The following SMARCA4 variants were observed in gnomAD, a reference collection of about 807,000 sequenced individuals.
SMARCA4 encodes SWI/SNF related BAF chromatin remodeling complex subunit ATPase 4.
Under a neutral mutation model 193.9 loss-of-function variants are expected in SMARCA4, and 31 were observed. The observed-to-expected ratio is 0.16, with a 90% CI of 0.12 to 0.22. SMARCA4 has a LOEUF of 0.22. Among genes scored for constraint, SMARCA4 ranks in the 10% least tolerant of loss-of-function variants. The pLI is 1.00. For missense variants in SMARCA4, 1,148 were observed against 2,296.0 expected (o/e 0.50, Z 10.22); for synonymous variants, 942 against 933.1 (o/e 1.01, Z -0.17).
At chr19:11,054,583 A>G (rs1381275492) in intron 30 of SMARCA4, among the ~76,000 whole-genome samples, 4 of 152,200 alleles carry the variant, frequency 2.6e-5, no homozygotes, top group Non-Finnish European at 5.9e-5. Flanking sequence ...TCAGGAGGTC[A>G]GGAGTTCGAG....
chr19:11,028,082 C>G, intron 24 of SMARCA4, 132 bp downstream of exon 24: 1 of 967,626 alleles, frequency 1.0e-6, no homozygotes, highest in Non-Finnish European at 1.7e-6. Flanking sequence ...CCAGAGTGGG[C>G]CTAGCCACAG....
Position 11,058,968 on chromosome 19 carries a change from GA to G in SMARCA4, c.4635+81del. ...CCCAACCCGCCCCTCCTTCCCTTCTGAATTGATGGGTTAAAAACAAGTCCCG... is the reference window on the plus strand; with the variant it reads ...CCCAACCCGCCCCTCCTTCCCTTCTGATTGATGGGTTAAAAACAAGTCCCG... On this transcript the variant is annotated intron_variant, in intron 32 of 34. Transcript: ENST00000344626. This position sits in a 1 kb window ranked among gnomAD's most constrained non-coding sequence, Gnocchi z 5.8. 1 of 1,122,242 alleles carries G rather than the reference GA, an allele frequency of 8.9e-7. No individual in the cohort carries two copies. Among genetic ancestry groups the G allele is most frequent in the Non-Finnish European group, 1.3e-6 (1 of 746,776 alleles). 69.5% of individuals were successfully genotyped at this position (1,122,242 alleles called of 1,614,324 possible).
At chr19:11,040,090 AAAAAG>A (rs1293566949) in intron 29 of SMARCA4, 2 of 152,146 alleles carry the variant, frequency 1.3e-5, no homozygotes, top group Non-Finnish European at 2.9e-5. Flanking sequence ...AACAACAACA[AAAAAG>A]AAAATTTAAA....
intron 11 of SMARCA4, among the ~76,000 whole-genome samples, chr19:10,999,530 C>T (rs1489816484): frequency 6.6e-6 from 1 of 152,050 alleles, no homozygotes; most frequent in Non-Finnish European, 1.5e-5. Flanking sequence ...TAGTGGCATG[C>T]ACCTGTGGTC....
At chr19:10,992,741 A>G (rs2086667526) in intron 8 of SMARCA4, among the ~76,000 whole-genome samples, 1 of 151,736 alleles carries the variant, frequency 6.6e-6, no homozygotes, top group African/African-American at 2.4e-5. Flanking sequence ...GGCACCTGCC[A>G]CCATGCCTGG....
Position 11,033,976 on chromosome 19 carries a change from G to A in SMARCA4, c.3873+111G>A, listed in dbSNP as rs2075103462. On this transcript the variant is annotated intron_variant, in intron 27 of 34. Transcript: ENST00000344626. The surrounding 1 kb of genome is among the most constrained non-coding windows in gnomAD (Gnocchi z 9.8). ...CGTGCGTGTGCGTGTGCGTGTGTGT[G>A]CCTTTCGCTGCCGTGTGGGTCCCCA... The A allele has an allele frequency of 1.3e-6, 1 of 753,072 alleles. No individual in the cohort carries two copies. 46.6% of individuals were successfully genotyped at this position (753,072 alleles called of 1,614,324 possible).
intron 7 of SMARCA4, 31 bp from the exon 8 acceptor site, chr19:10,991,119 G>T (rs2086520284): frequency 6.2e-7 from 1 of 1,612,158 alleles, no homozygotes; most frequent in East Asian, 2.2e-5. Flanking sequence ...GAGCTGTGCA[G>T]TGCGCGGGCT....
chr19:11,018,998 C>T lies in SMARCA4; in HGVS notation c.2480C>T (p.Pro827Leu), dbSNP rs2089623348. 1.2e-6 allele frequency: 2 copies of T among 1,614,170 alleles called. No homozygotes were observed. The highest frequency in any genetic ancestry group is 1.7e-6 in the Non-Finnish European group (2 of 1,179,976). The part of the protein sequence containing the change: ...NWAYEFDKWA[P>L]SVVKVSYKGS... ...GCGTACGAGTTTGACAAGTGGGCCCCCTCCGTGGTGAAGGTGTCTTACAAG... is the reference window on the plus strand; with the variant it reads ...GCGTACGAGTTTGACAAGTGGGCCCTCTCCGTGGTGAAGGTGTCTTACAAG... The change falls in exon 17 of 35, where the codon CCC becomes CTC. Residue 827 changes from proline to leucine, a missense_variant. Around this residue, in one of 17 missense-constraint regions of SMARCA4, gnomAD observed 54 missense variants for 123.3 expected, o/e 0.44. Transcript: ENST00000344626.
At chr19:11,053,772 G>A (rs1477361257) in intron 30 of SMARCA4, among the ~76,000 whole-genome samples, 3 of 152,154 alleles carry the variant, frequency 2.0e-5, no homozygotes, top group Non-Finnish European at 4.4e-5. Flanking sequence ...TTAGCCAGGT[G>A]TTGTGGCGTG....
chr19:10,995,577 G>T, intron 9 of SMARCA4: 1 of 445,440 alleles, frequency 2.2e-6, no homozygotes, highest in Non-Finnish European at 4.5e-6. Flanking sequence ...GGCCCAAAGG[G>T]TGGCCCTGAT....
chr19:11,013,867 T>G (rs560911378), intron 16 of SMARCA4, among the ~76,000 whole-genome samples: 115 of 152,200 alleles, frequency 7.6e-4, no homozygotes, highest in Non-Finnish European at 1.5e-3. Context: ...GGCTCTCACT[T>G]GCCACTGCCT....
At position 11,041,196 on chromosome 19, in the gene SMARCA4, G is replaced by C. The variant is rs1343923761; in HGVS notation, c.4171-111G>C. 1 of 1,135,744 alleles carries C rather than the reference G, an allele frequency of 8.8e-7. No individual in the cohort carries two copies. The allele number at this position is 1,135,744 out of a possible 1,614,324, so 70.4% of individuals were successfully genotyped here. A position where few individuals can be genotyped will look rare whatever the true frequency, so the allele number is the denominator to read the frequency against. On this transcript the variant is annotated intron_variant, in intron 29 of 34. Transcript: ENST00000344626. The surrounding 1 kb of genome is among the most constrained non-coding windows in gnomAD (Gnocchi z 5.6). ...GAGCCAGTCAAGCTGAAGGGAGAGC[G>C]GGTGCGGGGGCCCTCCTCCGTGTCC...
At chr19:11,014,863 A>T (rs1198467123) in intron 16 of SMARCA4, among the ~76,000 whole-genome samples, 1 of 151,688 alleles carries the variant, frequency 6.6e-6, no homozygotes, top group Non-Finnish European at 1.5e-5. Flanking sequence ...ACCAGCCTGG[A>T]GTGCAGTGGT....
Position 10,985,381 on chromosome 19 carries a change from A to G in SMARCA4, c.331A>G (p.Ser111Gly), listed in dbSNP as rs1599941986. ...CCATGCTGGGATGGGGCCCCCGCCC[A>G]GCCCCATGGACCAGCACTCCCAAGG... Reference protein sequence around the residue: ...GGHAGMGPPPSPMDQHSQGYP... With the variant: ...GGHAGMGPPPGPMDQHSQGYP... The change falls in exon 3 of 35, where the codon AGC becomes GGC. Residue 111 changes from serine (S) to glycine (G), a missense_variant. Coordinates refer to ENST00000344626, the MANE Select transcript of SMARCA4 (RefSeq NM_003072.5). This position sits in a 1 kb window ranked among gnomAD's most constrained non-coding sequence, Gnocchi z 4.5. 2 of 1,613,956 alleles carry G rather than the reference A, an allele frequency of 1.2e-6. No homozygotes were observed. Among genetic ancestry groups the G allele is most frequent in the Non-Finnish European group, 1.7e-6 (2 of 1,179,994 alleles).
intron 13 of SMARCA4, 131 bp downstream of exon 13, chr19:11,003,528 C>A: frequency 1.2e-6 from 1 of 865,272 alleles, no homozygotes; most frequent in Non-Finnish European, 2.0e-6. Context: ...CCCAGGCCTG[C>A]CCGAAGTCGG....
At chr19:11,002,821 AGAAG>A in intron 11 of SMARCA4, among the ~76,000 whole-genome samples, 1 of 148,588 alleles carries the variant, frequency 6.7e-6, no homozygotes, top group Admixed American at 6.7e-5. Flanking sequence ...AAAAAAAAAA[AGAAG>A]AAACAAGTGT....
intron 30 of SMARCA4, among the ~76,000 whole-genome samples, chr19:11,054,551 T>C (rs1285539628): frequency 1.3e-5 from 2 of 152,172 alleles, no homozygotes; most frequent in Admixed American, 6.5e-5. Context: ...CCCAGCACTT[T>C]TGGGAGGCCA....
chr19:11,018,747 T>A, intron 16 of SMARCA4: 1 of 664,858 alleles, frequency 1.5e-6, no homozygotes, highest in Non-Finnish European at 2.8e-6. Flanking sequence ...CCCAGTGGCC[T>A]CCCTTCTGTC....
At chr19:10,963,474 G>A (rs1001592329) in intron 1 of SMARCA4, among the ~76,000 whole-genome samples, 3 of 151,948 alleles carry the variant, frequency 2.0e-5, no homozygotes, top group Non-Finnish European at 4.4e-5. Context: ...CACTTTCCAA[G>A]CCATTGTTTC....
Sources: gnomAD v4.1 joint callset for allele counts (sites outside exome capture counted in the v4.1 genomes callset) on GRCh38, gnomAD v4.1.1 for gene constraint, gnomAD v4.1.1 regional missense constraint, Gnocchi (gnomAD v3.1) non-coding constraint, MANE v1.5 for transcripts, NCBI Gene and HGNC (gene_info 2026-07-23, HGNC 2026-07-21) for gene names.